The following CFAP54 variants were observed in gnomAD, a reference collection of about 807,000 sequenced individuals.
CFAP54 encodes cilia- and flagella-associated protein 54.
CFAP54 carries 290 observed loss-of-function variants against 370.4 expected under a neutral mutation model. The ratio of observed to expected loss-of-function variants is 0.78; its 90% CI spans 0.71 to 0.86. The LOEUF (loss-of-function observed/expected upper bound fraction) is 0.86. Among genes scored for constraint, CFAP54 ranks in the 40% least tolerant of loss-of-function variants. The pLI, the probability that CFAP54 is intolerant of heterozygous loss-of-function variation, is 0.00. For synonymous variants in CFAP54, 1,206 were observed against 1,236.5 expected, an observed-to-expected ratio of 0.98 and a Z score of 0.52; for missense variants, 3,399 against 3,528.7, an observed-to-expected ratio of 0.96 and a Z score of 0.93.
At chr12:96,797,329 G>A (rs1239135548) in intron 63 of CFAP54, among the ~76,000 whole-genome samples, 1 of 151,958 alleles carries the variant, frequency 6.6e-6, no homozygotes, top group Non-Finnish European at 1.5e-5. Flanking sequence ...ATGTGTAGTA[G>A]GTGAGTTTGG....
chr12:96,716,602 A>G (rs1260467044), intron 48 of CFAP54, among the ~76,000 whole-genome samples: 2 of 152,170 alleles, frequency 1.3e-5, no homozygotes, highest in African/African-American at 4.8e-5. Context: ...TTAACACAGC[A>G]AGGGTTTAGT....
chr12:96,715,275 GT>G (rs35349345), intron 48 of CFAP54, among the ~76,000 whole-genome samples: 117,518 of 151,976 alleles, frequency 0.77, 46,457 homozygotes, highest in African/African-American at 0.93. Context: ...AGTGAGAAGA[GT>G]TAGCATCGTT....
chr12:96,789,985 G>A (rs1437416871), intron 62 of CFAP54, among the ~76,000 whole-genome samples: 1 of 150,182 alleles, frequency 6.7e-6, no homozygotes, highest in Non-Finnish European at 1.5e-5. Context: ...AATCAAACTC[G>A]TTCCATAATT....
intron 39 of CFAP54, among the ~76,000 whole-genome samples, chr12:96,664,622 A>ATGTGTGTG (rs55839375): frequency 0.01 from 1,191 of 115,226 alleles, 21 homozygotes; most frequent in African/African-American, 0.025. Context: ...CCAAGAACGT[A>ATGTGTGTG]TGTGTGTGTG....
In CFAP54 at chr12:96,685,214, C is replaced by G. The variant is rs1173181614; in HGVS notation, c.5990C>G (p.Ala1997Gly). ...RVGIWGCLQG[A>G]VISAKIAQFI... ...GGCATCTGGGGGTGTTTGCAAGGAG[C>G]AGTCATATCAGCAAAGATAGCACAG... is the stretch of plus-strand genomic sequence containing the variant. Residue 1997 changes from alanine to glycine, a missense_variant, in exon 42 of 68, where the codon GCA becomes GGA. Physicochemically the swap from Ala to Gly is moderately conservative, Grantham distance 60 (BLOSUM62 0). Coordinates refer to ENST00000524981, the MANE Select transcript of CFAP54 (RefSeq NM_001306084.2). 6.2e-7 allele frequency: 1 copy of G among 1,613,986 alleles called. No individual in the cohort carries two copies. The highest frequency in any genetic ancestry group is 1.3e-5 in the African/African-American group (1 of 75,012).
At chr12:96,839,075 G>A (rs930408270) in intron 66 of CFAP54, among the ~76,000 whole-genome samples, 7 of 152,162 alleles carry the variant, frequency 4.6e-5, no homozygotes, top group Non-Finnish European at 7.4e-5. Flanking sequence ...GTTAGAACCC[G>A]GATTTGTGAA....
At chr12:96,725,416 G>T (rs1223813747) in intron 50 of CFAP54, among the ~76,000 whole-genome samples, 1 of 152,108 alleles carries the variant, frequency 6.6e-6, no homozygotes, top group African/African-American at 2.4e-5. Context: ...GGATTCCTAA[G>T]TATTTTATTC....
rs1184771641 is a variant in CFAP54, at chr12:96,596,535, G to A, written c.3516+2089G>A. Among the ~76,000 whole-genome samples the A allele has an allele frequency of 2.6e-5, 4 of 152,044 alleles. No homozygotes were observed. In the East Asian group the frequency reaches 7.7e-4, roughly 29 times the overall value. On this transcript the variant is annotated intron_variant, in intron 25 of 67. Coordinates refer to ENST00000524981, the MANE Select transcript of CFAP54 (RefSeq NM_001306084.2). Reference sequence around the variant, plus strand: ...CTAGATATTCATCTGAGAGAAAATAGAGTTTGACCCCTATTTGTACCATGT... The same window carrying A: ...CTAGATATTCATCTGAGAGAAAATAAAGTTTGACCCCTATTTGTACCATGT...
chr12:96,765,424 T>A (rs1383590833), intron 60 of CFAP54, among the ~76,000 whole-genome samples: 1 of 152,198 alleles, frequency 6.6e-6, no homozygotes, highest in East Asian at 1.9e-4. Flanking sequence ...AGTCAGCTGC[T>A]GCATTTCAGA....
intron 32 of CFAP54, among the ~76,000 whole-genome samples, chr12:96,641,530 G>A (rs1240101958): frequency 2.6e-5 from 4 of 151,992 alleles, no homozygotes; most frequent in East Asian, 1.9e-4. Flanking sequence ...CGATTCCTCA[G>A]GGATCTAGAA....
chr12:96,614,313 GC>G (rs1286262571), intron 26 of CFAP54, among the ~76,000 whole-genome samples: 2 of 152,106 alleles, frequency 1.3e-5, no homozygotes, highest in Admixed American at 6.6e-5. Flanking sequence ...AAATTCAACA[GC>G]CCTTCATGCT....
intron 46 of CFAP54, among the ~76,000 whole-genome samples, chr12:96,703,286 A>G (rs748142927): frequency 6.6e-6 from 1 of 152,214 alleles, no homozygotes; most frequent in Non-Finnish European, 1.5e-5. Flanking sequence ...GGTCACCGAT[A>G]TGGGTAACTG....
chr12:96,749,799 T>A (rs1045454205), intron 55 of CFAP54, among the ~76,000 whole-genome samples: 25 of 152,202 alleles, frequency 1.6e-4, no homozygotes, highest in African/African-American at 6.0e-4. Context: ...TTCTGGGGGT[T>A]ATATTTATTC....
chr12:96,614,967 A>G (rs1956399392), intron 26 of CFAP54, among the ~76,000 whole-genome samples: 1 of 152,196 alleles, frequency 6.6e-6, no homozygotes, highest in African/African-American at 2.4e-5. Context: ...TGCCATCCCC[A>G]TCAAGCTACC....
At chr12:96,780,237 C>T (rs79603410) in intron 60 of CFAP54, among the ~76,000 whole-genome samples, 4,681 of 152,154 alleles carry the variant, frequency 0.031, 238 homozygotes, top group African/African-American at 0.1. Context: ...TTTTTGTGTT[C>T]AGTTTTAGAA....
intron 63 of CFAP54, among the ~76,000 whole-genome samples, chr12:96,795,764 G>T (rs1192865544): frequency 1.3e-5 from 2 of 152,126 alleles, no homozygotes; most frequent in African/African-American, 4.8e-5. Context: ...TTCTGTGCTT[G>T]TGTCTGCACT....
At chr12:96,623,638 T>C (rs1400723842) in intron 27 of CFAP54, 129 bp from the exon 28 acceptor site, 2 of 590,770 alleles carry the variant, frequency 3.4e-6, no homozygotes, top group Non-Finnish European at 6.0e-6. Flanking sequence ...TAATTAATAT[T>C]GTTATGTAGA....
chr12:96,872,296 GAA>G (rs901472773), intron 67 of CFAP54, among the ~76,000 whole-genome samples: 3 of 150,628 alleles, frequency 2.0e-5, no homozygotes, highest in Non-Finnish European at 4.4e-5. Context: ...AGTGCTGAAA[GAA>G]AAAAAAAGTC....
intron 26 of CFAP54, among the ~76,000 whole-genome samples, chr12:96,605,196 T>A (rs577405350): frequency 5.3e-5 from 8 of 152,298 alleles, no homozygotes; most frequent in Admixed American, 2.0e-4. Flanking sequence ...AATTATATAT[T>A]TATTATACTG....
Sources: allele counts gnomAD v4.1 joint callset (sites outside exome capture counted in the v4.1 genomes callset), GRCh38; gene constraint gnomAD v4.1.1; transcripts MANE v1.5; gene names NCBI Gene and HGNC (gene_info 2026-07-23, HGNC 2026-07-21).